The following PDZD2 variants were observed in gnomAD, a reference collection of about 807,000 sequenced individuals.
PDZD2 encodes the protein PDZ domain-containing protein 2.
A neutral mutation model predicts 220.7 loss-of-function variants in PDZD2; 90 were observed. The observed-to-expected ratio is 0.41, with a 90% CI of 0.34 to 0.49. The LOEUF is 0.49. Among genes scored for constraint, PDZD2 ranks in the 20% least tolerant of loss-of-function variants. The probability of loss-of-function intolerance (pLI) is 0.28; values close to 1 mark genes in which losing one functional copy is unlikely to be tolerated. For synonymous variants in PDZD2, 1,375 were observed against 1,450.5 expected (o/e 0.95, Z 1.18); for missense variants, 3,174 against 3,608.5 (o/e 0.88, Z 3.08).
At chr5:31,825,412 T>G (rs1237072782) in intron 2 of PDZD2, among the ~76,000 whole-genome samples, 1 of 152,164 alleles carries the variant, frequency 6.6e-6, no homozygotes, top group Non-Finnish European at 1.5e-5. Flanking sequence ...GCTGGCAGTT[T>G]CCAGCACCAG....
chr5:31,963,134 G>C (rs1037830137), intron 2 of PDZD2, among the ~76,000 whole-genome samples: 1 of 152,134 alleles, frequency 6.6e-6, no homozygotes, highest in East Asian at 1.9e-4. Context: ...CAAGAGCAGA[G>C]GCCCCAGCTA....
intron 2 of PDZD2, among the ~76,000 whole-genome samples, chr5:31,816,447 T>G (rs1265487189): frequency 6.6e-6 from 1 of 152,110 alleles, no homozygotes; most frequent in Non-Finnish European, 1.5e-5. Flanking sequence ...GTAAAGATGG[T>G]GTTGTAACAA....
chr5:31,799,187 C>T lies in PDZD2; in HGVS notation c.-62C>T, dbSNP rs1346159426. 8.6e-6 allele frequency: 10 copies of T among 1,161,672 alleles called. No homozygotes were observed. In the Admixed American group the frequency reaches 2.0e-4, roughly 23 times the overall value. 72.0% of individuals were successfully genotyped at this position (1,161,672 alleles called of 1,614,324 possible). Reference sequence around the variant, plus strand: ...CAGGGACCCCAGGGGACGTGGGGCCCTGTGGGGTCTGGCCCCCAGGAGCAA... The same window carrying T: ...CAGGGACCCCAGGGGACGTGGGGCCTTGTGGGGTCTGGCCCCCAGGAGCAA... On this transcript the variant is annotated 5_prime_UTR_variant, in exon 2 of 25. Coordinates refer to ENST00000438447, the MANE Select transcript of PDZD2 (RefSeq NM_178140.4).
intron 7 of PDZD2, among the ~76,000 whole-genome samples, chr5:32,047,336 T>C (rs913632727): frequency 2.0e-5 from 3 of 152,176 alleles, no homozygotes; most frequent in Non-Finnish European, 2.9e-5. Flanking sequence ...CCTGTGCTGG[T>C]GAAACAGCAT....
intron 1 of PDZD2, among the ~76,000 whole-genome samples, chr5:31,664,387 A>T (rs1359036090): frequency 1.3e-5 from 2 of 152,026 alleles, no homozygotes; most frequent in African/African-American, 4.8e-5. Context: ...AAATCCCAGG[A>T]AGCAGAAATC....
At chr5:31,967,853 G>A (rs193001621) in intron 2 of PDZD2, among the ~76,000 whole-genome samples, 63 of 152,312 alleles carry the variant, frequency 4.1e-4, no homozygotes, top group Non-Finnish European at 5.6e-4. Flanking sequence ...AGGGAGCAGG[G>A]CACAGGGGAG....
chr5:31,871,410 CATCTT>C (rs1292933699), intron 2 of PDZD2, among the ~76,000 whole-genome samples: 2 of 152,134 alleles, frequency 1.3e-5, no homozygotes, highest in African/African-American at 4.8e-5. Context: ...TATATATTGT[CATCTT>C]GAATCATTGC....
At chr5:32,067,075 GC>G (rs1356315761) in intron 14 of PDZD2, among the ~76,000 whole-genome samples, 2 of 152,186 alleles carry the variant, frequency 1.3e-5, no homozygotes, top group Non-Finnish European at 2.9e-5. Flanking sequence ...ACTTAGCCCA[GC>G]ATTTCATGCC....
At chr5:31,850,849 G>C (rs1366051093) in intron 2 of PDZD2, among the ~76,000 whole-genome samples, 1 of 151,980 alleles carries the variant, frequency 6.6e-6, no homozygotes, top group Non-Finnish European at 1.5e-5. Flanking sequence ...TGTTAGCCAG[G>C]ATGGTCTTGA....
intron 2 of PDZD2, chr5:31,822,967 A>G (rs1755976063): frequency 1.8e-6 from 2 of 1,122,484 alleles, no homozygotes; most frequent in Non-Finnish European, 1.3e-6. Flanking sequence ...CCATTTGTCA[A>G]CCCGGGGCCT....
At chr5:31,883,419 C>T in intron 2 of PDZD2, among the ~76,000 whole-genome samples, 1 of 151,400 alleles carries the variant, frequency 6.6e-6, no homozygotes, top group East Asian at 2.0e-4. Flanking sequence ...TGGGGTTTTG[C>T]CAAGTTGGCC....
At chr5:31,661,558 G>A (rs1437332218) in intron 1 of PDZD2, 1 of 152,108 alleles carries the variant, frequency 6.6e-6, no homozygotes, top group African/African-American at 2.4e-5. Context: ...GCACCCATTA[G>A]CTGACACTCT....
chr5:31,698,598 CAA>C (rs755216242), intron 1 of PDZD2, among the ~76,000 whole-genome samples: 33 of 80,834 alleles, frequency 4.1e-4, no homozygotes, highest in Admixed American at 5.9e-4. Context: ...GACTCTGTCT[CAA>C]AAAAAAAAAA....
intron 2 of PDZD2, among the ~76,000 whole-genome samples, chr5:31,867,415 T>C (rs1353905343): frequency 6.6e-6 from 1 of 152,084 alleles, no homozygotes; most frequent in Admixed American, 6.5e-5. Flanking sequence ...TTAAAAGTTG[T>C]GTGGTTTTTG....
intron 6 of PDZD2, among the ~76,000 whole-genome samples, chr5:32,017,945 C>A (rs2112121445): frequency 6.6e-6 from 1 of 151,430 alleles, no homozygotes. Flanking sequence ...CTGGTCCCAA[C>A]CTCGCATTTT....
intron 2 of PDZD2, among the ~76,000 whole-genome samples, chr5:31,886,014 A>C (rs1227498269): frequency 1.3e-5 from 2 of 151,588 alleles, no homozygotes; most frequent in Admixed American, 6.6e-5. Context: ...ATTCTCCTGC[A>C]TCAGCCTCCC....
At chr5:31,950,423 A>G (rs1451507588) in intron 2 of PDZD2, among the ~76,000 whole-genome samples, 3 of 152,212 alleles carry the variant, frequency 2.0e-5, no homozygotes, top group Admixed American at 6.5e-5. Flanking sequence ...TCCTAAGCAA[A>G]TAACTGACGT....
chr5:32,038,259 G>A (rs13157873), intron 7 of PDZD2, among the ~76,000 whole-genome samples: 19,335 of 82,230 alleles, frequency 0.24, 1,336 homozygotes, highest in South Asian at 0.31. Flanking sequence ...GGCCGGGCGC[G>A]GTGGCTCACA....
intron 2 of PDZD2, among the ~76,000 whole-genome samples, chr5:31,906,285 T>C (rs1391518120): frequency 6.7e-6 from 1 of 148,504 alleles, no homozygotes; most frequent in Non-Finnish European, 1.5e-5. Context: ...GTTGTTGTTG[T>C]TGTTTTTGAG....
Sources: gnomAD v4.1 joint callset for allele counts (sites outside exome capture counted in the v4.1 genomes callset) on GRCh38, gnomAD v4.1.1 for gene constraint, MANE v1.5 for transcripts, NCBI Gene and HGNC (gene_info 2026-07-23, HGNC 2026-07-21) for gene names.